Variants in CC2D1B observed in about 807,000 individuals in gnomAD.
CC2D1B encodes coiled-coil and C2 domain containing 1B.
Under a neutral mutation model 110.8 loss-of-function variants are expected in CC2D1B, and 92 were observed. The observed-to-expected ratio is 0.83, with a 90% CI of 0.70 to 0.99. The LOEUF is 0.99. Ranked by LOEUF, CC2D1B falls within the 50% of genes least tolerant of loss-of-function variation. CC2D1B has a pLI of 0.00. For synonymous variants in CC2D1B, 406 were observed against 429.2 expected, an observed-to-expected ratio of 0.95 and a Z score of 0.67; for missense variants, 1,136 against 1,089.0, an observed-to-expected ratio of 1.04 and a Z score of -0.61.
At position 52,364,585 on chromosome 1, in the gene CC2D1B, C is replaced by A; in HGVS notation, c.36G>T (p.Gln12His). 6.2e-7 allele frequency: 1 copy of A among 1,608,468 alleles called. No individual in the cohort carries two copies. Among genetic ancestry groups the A allele is most frequent in the Non-Finnish European group, 8.5e-7 (1 of 1,175,708 alleles). Residue 12 changes from glutamine to histidine, a missense_variant, in exon 2 of 25, where the codon CAG becomes CAT. Gln to His is a conservative substitution (Grantham distance 24). Coordinates refer to ENST00000284376, the MANE Select transcript of CC2D1B (RefSeq NM_001330585.2). ...CAGCGGCCACCCCTTGGCCTCTGGC[C>A]TGAGGGCCCTTCCGAGGTCTTGGCC... is the stretch of plus-strand genomic sequence containing the variant. ...MPGPRPRKGP[Q>H]ARGQGVAAAK... is the part of the protein sequence containing the mutation.
At chr1:52,364,505 C>A (rs377466403) in intron 2 of CC2D1B, 47 bp downstream of exon 2, 1 of 1,359,116 alleles carries the variant, frequency 7.4e-7, no homozygotes, top group Non-Finnish European at 1.0e-6. Flanking sequence ...GTCTAGGGAC[C>A]CCCATCCCCA....
At chr1:52,354,972 G>A in intron 21 of CC2D1B, 33 bp from the exon 22 acceptor site, 1 of 1,557,930 alleles carries the variant, frequency 6.4e-7, no homozygotes, top group South Asian at 1.1e-5. Flanking sequence ...GGAGGGGCTT[G>A]GCTCTCGGGA....
intron 3 of CC2D1B, among the ~76,000 whole-genome samples, chr1:52,362,120 C>T (rs572089989): frequency 2.6e-5 from 4 of 152,312 alleles, no homozygotes; most frequent in African/African-American, 9.6e-5. Flanking sequence ...CCATTATCCT[C>T]AACTCAGGGA....
In CC2D1B at chr1:52,361,034, T is replaced by C; in HGVS notation, c.417A>G (p.Leu139=). The C allele has an allele frequency of 6.2e-7, 1 of 1,614,136 alleles. No individual in the cohort carries two copies. The highest frequency in any genetic ancestry group is 8.5e-7 in the Non-Finnish European group (1 of 1,180,020). Residue 139 remains leucine (L), a synonymous_variant, in exon 5 of 25, where the codon CTA becomes CTG. Coordinates refer to ENST00000284376, the MANE Select transcript of CC2D1B (RefSeq NM_001330585.2). ...TCTGCACTGGAGGTTCAGTGTCTTCTAGGCCGTTCTCCTCCTCAGAGCCGC... is the reference window on the plus strand; with the variant it reads ...TCTGCACTGGAGGTTCAGTGTCTTCCAGGCCGTTCTCCTCCTCAGAGCCGC... ...DPGGSEEENG[L]EDTEPPVQTA... is the part of the protein sequence containing the mutation.
chr1:52,354,388 G>A (rs1381104263), intron 23 of CC2D1B: 2 of 696,030 alleles, frequency 2.9e-6, no homozygotes, highest in South Asian at 3.0e-5. Context: ...TGAGTTCATG[G>A]AAACAAGGAG....
rs1450795287 is a variant in CC2D1B at position 52,353,169 on chromosome 1, A to G, written c.*56T>C. 2 of 1,317,426 alleles carry G rather than the reference A, an allele frequency of 1.5e-6. No individual in the cohort carries two copies. The highest frequency in any genetic ancestry group is 3.0e-5 in the African/African-American group (2 of 66,668). The allele number at this position is 1,317,426 out of a possible 1,614,324, so 81.6% of individuals were successfully genotyped here. A position where few individuals can be genotyped will look rare whatever the true frequency, so the allele number is the denominator to read the frequency against. On this transcript the variant is annotated 3_prime_UTR_variant, in exon 25 of 25. Transcript: ENST00000284376. ...GGCTTCTGAAGCCAGCAAAGCTGGG[A>G]AAGTCATCTCCTGCACAGTCGCGGC...
chr1:52,355,295 TG>T, intron 21 of CC2D1B, 102 bp downstream of exon 21: 1 of 1,182,446 alleles, frequency 8.5e-7, no homozygotes, highest in Non-Finnish European at 1.2e-6. Context: ...ATCTCCCAAG[TG>T]GGGTGGATCA....
chr1:52,358,077 C>G, intron 13 of CC2D1B, 179 bp from the exon 14 acceptor site: 1 of 987,366 alleles, frequency 1.0e-6, no homozygotes, highest in Non-Finnish European at 1.4e-6. Context: ...GAAGCTCTCA[C>G]ATCTAACCTC....
chr1:52,361,020 G>A lies in CC2D1B; in HGVS notation c.431C>T (p.Pro144Leu), dbSNP rs781532574. 1.9e-6 allele frequency: 3 copies of A among 1,614,022 alleles called. No homozygotes were observed. Among genetic ancestry groups the A allele is most frequent in the African/African-American group, 2.7e-5 (2 of 74,906 alleles). The change falls in exon 5 of 25, where the codon CCT (proline) becomes CTT (leucine). Residue 144 changes from proline (P) to leucine (L), a missense_variant. Coordinates refer to ENST00000284376, the MANE Select transcript of CC2D1B (RefSeq NM_001330585.2). The stretch of plus-strand genomic sequence containing the variant: ...TGTCAGGACGGCTGTCTGCACTGGA[G>A]GTTCAGTGTCTTCTAGGCCGTTCTC... ...EEENGLEDTE[P>L]PVQTAVLTAS...
chr1:52,356,200 T>C lies in CC2D1B; in HGVS notation c.2040A>G (p.Thr680=), dbSNP rs1557543259. 1 of 1,611,994 alleles carries C rather than the reference T, an allele frequency of 6.2e-7. No homozygotes were observed. Among genetic ancestry groups the C allele is most frequent in the Non-Finnish European group, 8.5e-7 (1 of 1,178,486 alleles). ...DPPTHHFELK[T]FQTVRIFSEL... Reference sequence around the variant, plus strand: ...GGCCTTGGTACCTCACAGTCTGGAATGTCTTCAACTCAAAGTGGTGGGTGG... The same window carrying C: ...GGCCTTGGTACCTCACAGTCTGGAACGTCTTCAACTCAAAGTGGTGGGTGG... The change falls in exon 18 of 25, where the codon ACA becomes ACG. Residue 680 remains threonine (T), a synonymous_variant. Transcript: ENST00000284376.
intron 2 of CC2D1B, among the ~76,000 whole-genome samples, chr1:52,363,223 T>A: frequency 6.6e-6 from 1 of 151,808 alleles, no homozygotes; most frequent in East Asian, 1.9e-4. Context: ...TGAAACCCCG[T>A]CTCTACTAAA....
At chr1:52,355,536 G>C in intron 20 of CC2D1B, 72 bp downstream of exon 20, 1 of 1,607,988 alleles carries the variant, frequency 6.2e-7, no homozygotes, top group South Asian at 1.1e-5. Context: ...CCCAGGGATG[G>C]GAAGAAAGTG....
At chr1:52,361,192 ACCTGAGAGTAAAGGAC>A (rs1336211800) in intron 4 of CC2D1B, 60 bp from the exon 5 acceptor site, 2 of 1,590,734 alleles carry the variant, frequency 1.3e-6, no homozygotes, top group African/African-American at 1.3e-5. Context: ...CCACAACAGG[ACCTGAGAGTAAAGGAC>A]CCTCTCTCTC....
rs1646529089 is a variant in CC2D1B, at chr1:52,351,440, AACCCTTCCAGTC to A, written c.*1773_*1784del. The A allele has an allele frequency of 6.6e-6, 1 of 152,158 alleles. No homozygotes were observed. Among genetic ancestry groups the A allele is most frequent in the East Asian group, 1.9e-4 (1 of 5,190 alleles). 9.4% of individuals were successfully genotyped at this position (152,158 alleles called of 1,614,324 possible). Reference sequence around the variant, plus strand: ...CCTAAGGGGAGTAGGTTGGGTTAGGAACCCTTCCAGTCACCTTTCTTTGCTCTATAGGTCATC... The same window carrying A: ...CCTAAGGGGAGTAGGTTGGGTTAGGAACCTTTCTTTGCTCTATAGGTCATC... On this transcript the variant is annotated 3_prime_UTR_variant, in exon 25 of 25. Transcript: ENST00000284376.
At chr1:52,361,404 C>G (rs1268616208) in intron 4 of CC2D1B, 109 bp downstream of exon 4, 5 of 1,557,210 alleles carry the variant, frequency 3.2e-6, no homozygotes, top group Non-Finnish European at 4.4e-6. Context: ...CAAGCACTCA[C>G]TCAGAGTCAG....
chr1:52,365,910 G>A (rs1646871250), intron 1 of CC2D1B, among the ~76,000 whole-genome samples, 159 bp downstream of exon 1: 1 of 152,210 alleles, frequency 6.6e-6, no homozygotes, highest in Admixed American at 6.5e-5. Context: ...GACACAGCCA[G>A]GCCTCACGGA....
chr1:52,353,477 A>T (rs1213266140), intron 24 of CC2D1B, 41 bp downstream of exon 24: 11 of 1,572,856 alleles, frequency 7.0e-6, no homozygotes, highest in African/African-American at 1.4e-5. Context: ...GTTGAGTAAA[A>T]GGAGGGGGCA....
intron 4 of CC2D1B, among the ~76,000 whole-genome samples, 190 bp downstream of exon 4, chr1:52,361,323 G>A (rs921065841): frequency 4.6e-5 from 7 of 152,104 alleles, no homozygotes; most frequent in African/African-American, 1.4e-4. Flanking sequence ...CTCCAAATCT[G>A]AGAATCCCCA....
In CC2D1B at chr1:52,360,414, C is replaced by T. The variant is rs762428904; in HGVS notation, c.603+10G>A. 3 of 1,612,668 alleles carry T rather than the reference C, an allele frequency of 1.9e-6. No individual in the cohort carries two copies. The highest frequency in any genetic ancestry group is 2.2e-5 in the East Asian group (1 of 44,888). On this transcript the variant is annotated intron_variant, in intron 6 of 24. Coordinates refer to ENST00000284376, the MANE Select transcript of CC2D1B (RefSeq NM_001330585.2). ...CTCCCCTGCCCTGCTCCCAGCCTAG[C>T]CCGACTCACCTTCAGGCCGCGCTCG...
Sources: allele counts gnomAD v4.1 joint callset (sites outside exome capture counted in the v4.1 genomes callset), GRCh38; gene constraint gnomAD v4.1.1; transcripts MANE v1.5; gene names NCBI Gene and HGNC (gene_info 2026-07-23, HGNC 2026-07-21).